Variants in FSTL4 observed in about 807,000 individuals in gnomAD.
FSTL4 encodes the protein follistatin-related protein 4.
In FSTL4, 28 loss-of-function variants were observed where a neutral mutation model predicts 78.2. The observed-to-expected ratio is 0.36, with a 90% CI of 0.27 to 0.49. The LOEUF (loss-of-function observed/expected upper bound fraction) is 0.49, where lower values mean the gene tolerates loss of function less well. FSTL4 is among the 20% of genes least tolerant of loss of function. The pLI, the probability that FSTL4 is intolerant of heterozygous loss-of-function variation, is 0.98. For missense variants in FSTL4, 922 were observed against 1,084.9 expected, an observed-to-expected ratio of 0.85 and a Z score of 2.11; for synonymous variants, 422 against 440.5, an observed-to-expected ratio of 0.96 and a Z score of 0.53.
the FSTL4 span, among the ~76,000 whole-genome samples, chr5:133,746,537 G>A: frequency 6.6e-6 from 1 of 151,908 alleles, no homozygotes; most frequent in African/African-American, 2.4e-5. Context: ...CAGAGTGAGG[G>A]GACTCACTCT....
At chr5:133,318,899 C>T (rs1753976121) in intron 4 of FSTL4, among the ~76,000 whole-genome samples, 1 of 152,218 alleles carries the variant, frequency 6.6e-6, no homozygotes. Flanking sequence ...TCTCAGGACC[C>T]CAGTGGCCAG....
At chr5:133,461,899 C>G (rs545177383) in intron 3 of FSTL4, among the ~76,000 whole-genome samples, 67 of 152,286 alleles carry the variant, frequency 4.4e-4, no homozygotes, top group Middle Eastern at 3.4e-3. Flanking sequence ...CTCACAACCA[C>G]ACCTCAGAAC....
At chr5:133,221,199 G>C (rs914695228) in intron 11 of FSTL4, among the ~76,000 whole-genome samples, 21 of 152,204 alleles carry the variant, frequency 1.4e-4, no homozygotes, top group Non-Finnish European at 2.4e-4. Context: ...AGCCTCCCTT[G>C]ATTGTTTATA....
chr5:133,610,524 CCTT>C (rs778094138), intron 1 of FSTL4, among the ~76,000 whole-genome samples: 17 of 152,222 alleles, frequency 1.1e-4, no homozygotes, highest in Non-Finnish European at 2.2e-4. Context: ...TGCAGTGCCT[CCTT>C]CTCACAACGC....
At chr5:133,668,127 C>A in the FSTL4 span, among the ~76,000 whole-genome samples, 3,886 of 152,282 alleles carry the variant, frequency 0.026, 169 homozygotes, top group African/African-American at 0.088. Context: ...TGAATGTTCT[C>A]GTGTGCTGCA....
chr5:133,527,411 G>A (rs1019977362), intron 3 of FSTL4, among the ~76,000 whole-genome samples: 1 of 152,068 alleles, frequency 6.6e-6, no homozygotes, highest in Admixed American at 6.6e-5. Flanking sequence ...GGCAGGGCTA[G>A]CCAGTGTCTG....
chr5:133,242,363 C>T (rs1751900386), intron 7 of FSTL4, among the ~76,000 whole-genome samples: 1 of 152,088 alleles, frequency 6.6e-6, no homozygotes, highest in South Asian at 2.1e-4. Context: ...ATTGACTGGG[C>T]CTCTGTAGGG....
the FSTL4 span, among the ~76,000 whole-genome samples, chr5:133,830,870 C>T: frequency 1.3e-3 from 201 of 152,242 alleles, 2 homozygotes; most frequent in Admixed American, 2.9e-3. Context: ...CTCAGAGAGA[C>T]GGTCTCTGTT....
At chr5:133,620,851 C>T in the FSTL4 span, among the ~76,000 whole-genome samples, 1 of 152,190 alleles carries the variant, frequency 6.6e-6, no homozygotes, top group African/African-American at 2.4e-5. Context: ...ACTCGTAGAG[C>T]CACTATGGAA....
At chr5:133,718,720 C>T in the FSTL4 span, among the ~76,000 whole-genome samples, 1 of 152,152 alleles carries the variant, frequency 6.6e-6, no homozygotes, top group Admixed American at 6.5e-5. Context: ...ACAGATTTGG[C>T]CTCTGAGTGA....
chr5:133,459,112 C>T (rs1047026420), intron 3 of FSTL4, among the ~76,000 whole-genome samples: 15 of 152,164 alleles, frequency 9.9e-5, no homozygotes, highest in East Asian at 1.9e-4. Context: ...TGAAGGCTCT[C>T]GGGAAGCTTT....
intron 1 of FSTL4, among the ~76,000 whole-genome samples, chr5:133,607,388 G>A (rs995810315): frequency 2.6e-5 from 4 of 152,068 alleles, no homozygotes; most frequent in Admixed American, 6.5e-5. Flanking sequence ...TAGCAATTAC[G>A]ATGTGTCAGG....
At chr5:133,262,141 C>A (rs1752542771) in intron 6 of FSTL4, among the ~76,000 whole-genome samples, 1 of 152,214 alleles carries the variant, frequency 6.6e-6, no homozygotes, top group Non-Finnish European at 1.5e-5. Context: ...CTAGGCTTTT[C>A]CTTTCCTCCA....
intron 3 of FSTL4, among the ~76,000 whole-genome samples, chr5:133,519,877 TG>T (rs1295559213): frequency 1.3e-5 from 2 of 152,300 alleles, no homozygotes; most frequent in African/African-American, 4.8e-5. Flanking sequence ...AGGCAGGAGA[TG>T]TAGGTGTCAC....
At chr5:133,753,932 T>C in the FSTL4 span, among the ~76,000 whole-genome samples, 1 of 152,090 alleles carries the variant, frequency 6.6e-6, no homozygotes, top group Non-Finnish European at 1.5e-5. Flanking sequence ...TAAGCTGCAG[T>C]TTCAGCCTCT....
the FSTL4 span, among the ~76,000 whole-genome samples, chr5:133,667,425 G>A: frequency 1.1e-4 from 16 of 152,200 alleles, no homozygotes; most frequent in Non-Finnish European, 2.2e-4. Flanking sequence ...TAAAGATGAT[G>A]TCATTTCAAT....
At chr5:133,547,254 T>TC (rs1359716560) in intron 3 of FSTL4, among the ~76,000 whole-genome samples, 7 of 143,164 alleles carry the variant, frequency 4.9e-5, no homozygotes, top group South Asian at 2.2e-4. Context: ...CTCTCTCTCT[T>TC]AGAAGGGAAA....
At chr5:133,592,125 C>T (rs902604560) in intron 2 of FSTL4, among the ~76,000 whole-genome samples, 2 of 152,164 alleles carry the variant, frequency 1.3e-5, no homozygotes, top group African/African-American at 4.8e-5. Context: ...TGGTCTTCCT[C>T]TCCAAGTACC....
intron 4 of FSTL4, among the ~76,000 whole-genome samples, chr5:133,355,075 G>T (rs1561683945): frequency 6.6e-6 from 1 of 152,210 alleles, no homozygotes; most frequent in African/African-American, 2.4e-5. Flanking sequence ...GCAGTTGTTG[G>T]TATGTAGTTT....
Sources: gnomAD v4.1 joint callset for allele counts (sites outside exome capture counted in the v4.1 genomes callset) on GRCh38, gnomAD v4.1.1 for gene constraint, MANE v1.5 for transcripts, NCBI Gene and HGNC (gene_info 2026-07-23, HGNC 2026-07-21) for gene names.